Variants in LPIN1 observed in about 807,000 individuals in gnomAD.
LPIN1 encodes the protein lipin 1, also known as phosphatidate phosphatase LPIN1.
In LPIN1, 71 loss-of-function variants were observed where a neutral mutation model predicts 107.5. That is an observed-to-expected ratio of 0.66 (90% confidence interval 0.55 to 0.80). The LOEUF is 0.80. LPIN1 is among the 30% of genes least tolerant of loss of function. LPIN1 has a pLI of 0.00. For missense variants in LPIN1, 1,043 were observed against 1,160.6 expected (o/e 0.90, Z 1.47); for synonymous variants, 445 against 452.6 (o/e 0.98, Z 0.21).
At chr2:11,724,471 C>CTG (rs1664398270) in exon 1 of LPIN1, 1 of 985,798 alleles carries the variant, frequency 1.0e-6, no homozygotes, top group African/African-American at 1.7e-5. Context: ...CAGCAGCCAC[C>CTG]CAGCAGTGGC....
chr2:11,687,992 G>A (rs1662092664), intron 1 of LPIN1, among the ~76,000 whole-genome samples: 1 of 152,260 alleles, frequency 6.6e-6, no homozygotes. Flanking sequence ...CATTGAAGGG[G>A]AAAGGGCACC....
At chr2:11,798,201 C>G (rs936137897) in intron 14 of LPIN1, among the ~76,000 whole-genome samples, 4 of 152,206 alleles carry the variant, frequency 2.6e-5, no homozygotes, top group African/African-American at 4.8e-5. Flanking sequence ...ATACCTCTTT[C>G]CTTTATAAAT....
At chr2:11,687,776 G>C (rs886193032) in intron 1 of LPIN1, among the ~76,000 whole-genome samples, 3 of 152,264 alleles carry the variant, frequency 2.0e-5, no homozygotes, top group African/African-American at 7.2e-5. Context: ...AACACTCACG[G>C]GGGAGGCAGC....
intron 2 of LPIN1, among the ~76,000 whole-genome samples, chr2:11,715,420 T>C (rs1445030512): frequency 2.0e-5 from 3 of 152,076 alleles, no homozygotes; most frequent in Non-Finnish European, 4.4e-5. Context: ...AAAGGTGAAA[T>C]TACAGAAAGC....
chr2:11,779,698 A>G (rs1673250624), intron 7 of LPIN1, 53 bp downstream of exon 7: 2 of 1,609,234 alleles, frequency 1.2e-6, no homozygotes, highest in East Asian at 2.2e-5. Flanking sequence ...CTCAGCTTAA[A>G]TTACATGGAA....
At chr2:11,751,322 T>A (rs2148578934) in intron 1 of LPIN1, among the ~76,000 whole-genome samples, 1 of 152,288 alleles carries the variant, frequency 6.6e-6, no homozygotes, top group Non-Finnish European at 1.5e-5. Context: ...ACCAGAGTTT[T>A]CCATCCTTCA....
intron 20 of LPIN1, among the ~76,000 whole-genome samples, chr2:11,821,924 C>G (rs1168652965): frequency 6.6e-6 from 1 of 152,200 alleles, no homozygotes; most frequent in Non-Finnish European, 1.5e-5. Flanking sequence ...GGCAGAAAAA[C>G]AGCAGGAACT....
chr2:11,765,434 T>C lies in LPIN1; in HGVS notation c.-9-99T>C. 8.0e-6 allele frequency: 9 copies of C among 1,130,528 alleles called. No individual in the cohort carries two copies. Among genetic ancestry groups the C allele is most frequent in the Non-Finnish European group, 1.2e-5 (9 of 773,736 alleles). The allele number at this position is 1,130,528 out of a possible 1,614,324, so 70.0% of individuals were successfully genotyped here. ...AATGAGAGGAGCTGAAAGTTGAGTG[T>C]GTAATCCACGTTTTTGAAATGGTGA... is the stretch of plus-strand genomic sequence containing the variant. On this transcript the variant is annotated intron_variant, in intron 1 of 20. Coordinates refer to ENST00000674199, the MANE Select transcript of LPIN1 (RefSeq NM_001349206.2). This position sits in a 1 kb window ranked among gnomAD's most constrained non-coding sequence, Gnocchi z 4.4.
At chr2:11,722,425 A>C (rs1489705864), upstream of LPIN1, 1 of 152,268 alleles carries the variant, frequency 6.6e-6, no homozygotes, top group African/African-American at 2.4e-5. Flanking sequence ...GTCCTGGGTC[A>C]TTCTCTTCCA....
chr2:11,761,245 A>G (rs528069962), intron 1 of LPIN1, among the ~76,000 whole-genome samples: 2 of 152,384 alleles, frequency 1.3e-5, no homozygotes, highest in South Asian at 4.1e-4. Flanking sequence ...AAGAAGTATT[A>G]GGGTTACAAA....
At chr2:11,680,135 G>A (rs187917885) in intron 1 of LPIN1, among the ~76,000 whole-genome samples, 1 of 152,326 alleles carries the variant, frequency 6.6e-6, no homozygotes, top group African/African-American at 2.4e-5. Context: ...GGGGATGCAG[G>A]AGATGTGGGT....
chr2:11,714,913 G>C (rs549156794), intron 2 of LPIN1, among the ~76,000 whole-genome samples: 1 of 152,228 alleles, frequency 6.6e-6, no homozygotes, highest in Non-Finnish European at 1.5e-5. Context: ...GAGGTTCGTC[G>C]TTGAGACGAA....
At chr2:11,820,566 A>G in intron 20 of LPIN1, 52 bp downstream of exon 20, 1 of 1,338,410 alleles carries the variant, frequency 7.5e-7, no homozygotes, top group Non-Finnish European at 1.1e-6. Context: ...TATTATCTTA[A>G]AACGGTGCTT....
intron 1 of LPIN1, among the ~76,000 whole-genome samples, chr2:11,712,720 TG>T (rs1663493372): frequency 6.6e-6 from 1 of 152,242 alleles, no homozygotes; most frequent in Admixed American, 6.5e-5. Context: ...CTGTTTATTC[TG>T]GGCTGCTGGC....
chr2:11,773,436 A>G (rs1672179485), intron 4 of LPIN1, among the ~76,000 whole-genome samples, 184 bp from the exon 5 acceptor site: 1 of 152,208 alleles, frequency 6.6e-6, no homozygotes, highest in Admixed American at 6.5e-5. Context: ...GCATTAGCAC[A>G]TAGACACGTT....
chr2:11,814,046 C>T (rs766760949), intron 17 of LPIN1, among the ~76,000 whole-genome samples: 1 of 152,108 alleles, frequency 6.6e-6, no homozygotes, highest in African/African-American at 2.4e-5. Flanking sequence ...CCCAGGTCCT[C>T]TAGGGAGTGT....
chr2:11,746,654 CA>C lies in LPIN1; in HGVS notation c.-26del. On this transcript the variant is annotated 5_prime_UTR_variant, in exon 1 of 21. Transcript: ENST00000674199. ...TGGGTGTTTGCAATACAAAGGCGGC[CA>C]CGCGCGGCGCCGCTCGGTGAGTAGC... The C allele has an allele frequency of 1.0e-6, 1 of 985,276 alleles. No individual in the cohort carries two copies. Among genetic ancestry groups the C allele is most frequent in the Non-Finnish European group, 1.2e-6 (1 of 829,844 alleles). The allele number at this position is 985,276 out of a possible 1,614,324, so 61.0% of individuals were successfully genotyped here.
At chr2:11,703,757 C>G (rs4669774) in intron 1 of LPIN1, among the ~76,000 whole-genome samples, 1 of 151,994 alleles carries the variant, frequency 6.6e-6, no homozygotes, top group South Asian at 2.1e-4. Context: ...CTCCTCCCCC[C>G]ACATACATGT....
chr2:11,721,703 G>C (rs537073839), upstream of LPIN1: 16 of 152,356 alleles, frequency 1.1e-4, no homozygotes, highest in Admixed American at 8.5e-4. Context: ...GACAGAGCCT[G>C]ATGTCTGGCC....
Sources: allele counts gnomAD v4.1 joint callset (sites outside exome capture counted in the v4.1 genomes callset), GRCh38; gene constraint gnomAD v4.1.1; non-coding constraint Gnocchi (gnomAD v3.1); transcripts MANE v1.5; gene names NCBI Gene and HGNC (gene_info 2026-07-23, HGNC 2026-07-21).